Variants in PPP1R12A observed in about 807,000 individuals in gnomAD.
The protein encoded by PPP1R12A is protein phosphatase 1 regulatory subunit 12A.
Under a neutral mutation model 139.6 loss-of-function variants are expected in PPP1R12A, and 19 were observed. The ratio of observed to expected loss-of-function variants is 0.14; its 90% CI spans 0.09 to 0.20. PPP1R12A has a LOEUF of 0.20. PPP1R12A is among the 10% of genes least tolerant of loss of function. The pLI, the probability that PPP1R12A is intolerant of heterozygous loss-of-function variation, is 1.00. For synonymous variants in PPP1R12A, 427 were observed against 420.6 expected, an observed-to-expected ratio of 1.02 and a Z score of -0.19; for missense variants, 925 against 1,211.5, an observed-to-expected ratio of 0.76 and a Z score of 3.51.
intron 14 of PPP1R12A, among the ~76,000 whole-genome samples, chr12:79,802,936 T>C (rs1873372222): frequency 6.6e-6 from 1 of 152,234 alleles, no homozygotes; most frequent in Non-Finnish European, 1.5e-5. Context: ...CATTGACACT[T>C]GGCTCTTTTT....
chr12:79,912,642 C>T (rs775493739), intron 1 of PPP1R12A, among the ~76,000 whole-genome samples: 13 of 150,896 alleles, frequency 8.6e-5, no homozygotes, highest in African/African-American at 2.0e-4. Flanking sequence ...TGCAGTGAGC[C>T]GTGATTGTGC....
chr12:79,836,186 T>C (rs1043216551), intron 3 of PPP1R12A, among the ~76,000 whole-genome samples: 2 of 152,192 alleles, frequency 1.3e-5, no homozygotes, highest in African/African-American at 4.8e-5. Flanking sequence ...AAAAATCAAA[T>C]GCCACCATTT....
rs77353568 is a variant in PPP1R12A at position 79,822,561 on chromosome 12, T to G, written c.793-371A>C. On this transcript the variant is annotated intron_variant, in intron 5 of 24. Transcript: ENST00000450142. ...TAAGAAGTAGGAACATACCCTTTAG[T>G]AGTCACTGTCTGCATCCAGCCCAAG... Among the ~76,000 whole-genome samples the G allele has an allele frequency of 8.5e-3, 1,298 of 152,232 alleles. 18 individuals carry two copies. Among genetic ancestry groups the G allele is most frequent in the African/African-American group, 0.029 (1,198 of 41,552 alleles).
chr12:79,775,885 G>T lies in PPP1R12A; in HGVS notation c.*44C>A, dbSNP rs527656852. ...GTGACTGCCAATTATGGTCCACTGG[G>T]TTACTAATATGTGCAATTCCATTAC... On this transcript the variant is annotated 3_prime_UTR_variant, in exon 25 of 25. Coordinates refer to ENST00000450142, the MANE Select transcript of PPP1R12A (RefSeq NM_002480.3). 17 of 1,380,900 alleles carry T rather than the reference G, an allele frequency of 1.2e-5. No homozygotes were observed. The highest frequency in any genetic ancestry group is 1.7e-5 in the Non-Finnish European group (17 of 1,012,438). The allele number at this position is 1,380,900 out of a possible 1,614,324, so 85.5% of individuals were successfully genotyped here.
At chr12:79,800,654 A>C (rs1056951606) in intron 14 of PPP1R12A, among the ~76,000 whole-genome samples, 1 of 151,436 alleles carries the variant, frequency 6.6e-6, no homozygotes, top group Admixed American at 6.6e-5. Flanking sequence ...TGCTGTTTAA[A>C]TTTATTAAGT....
chr12:79,809,470 T>C (rs1372210427), intron 10 of PPP1R12A, among the ~76,000 whole-genome samples: 1 of 152,128 alleles, frequency 6.6e-6, no homozygotes, highest in Non-Finnish European at 1.5e-5. Flanking sequence ...TGTGTTCCTA[T>C]GTTTTTTAAA....
chr12:79,899,813 A>G (rs146472951), intron 1 of PPP1R12A, among the ~76,000 whole-genome samples: 36 of 152,310 alleles, frequency 2.4e-4, no homozygotes, highest in African/African-American at 8.7e-4. Context: ...CAATTGTACC[A>G]ATTTACATCA....
At chr12:79,796,688 G>T in intron 17 of PPP1R12A, 94 bp downstream of exon 17, 1 of 996,600 alleles carries the variant, frequency 1.0e-6, no homozygotes, top group Non-Finnish European at 1.4e-6. Flanking sequence ...AAGTTAGGAT[G>T]CTGTTCCTTT....
At chr12:79,807,380 T>A (rs1305040998) in intron 11 of PPP1R12A, 50 bp from the exon 12 acceptor site, 1 of 1,195,498 alleles carries the variant, frequency 8.4e-7, no homozygotes, top group East Asian at 2.6e-5. Flanking sequence ...TAAAATAGGA[T>A]TAAGAAAGCG....
In PPP1R12A at chr12:79,935,008, G is replaced by A; in HGVS notation, c.-77C>T. 1 of 1,487,214 alleles carries A rather than the reference G, an allele frequency of 6.7e-7. No homozygotes were observed. The highest frequency in any genetic ancestry group is 9.0e-7 in the Non-Finnish European group (1 of 1,116,866). The allele number at this position is 1,487,214 out of a possible 1,614,324, so 92.1% of individuals were successfully genotyped here. ...GGAGAGGGAAGAGAGGGGAGGCAGG[G>A]GGTGTGTGAATGTTTCTATGAGTGC... On this transcript the variant is annotated 5_prime_UTR_variant, in exon 1 of 25. Transcript: ENST00000450142.
At chr12:79,884,512 T>C (rs1340524930) in intron 1 of PPP1R12A, among the ~76,000 whole-genome samples, 1 of 152,190 alleles carries the variant, frequency 6.6e-6, no homozygotes, top group Non-Finnish European at 1.5e-5. Context: ...TCAACATTTA[T>C]AAAGTACATA....
intron 2 of PPP1R12A, among the ~76,000 whole-genome samples, chr12:79,858,574 C>T (rs951449842): frequency 6.6e-6 from 1 of 152,202 alleles, no homozygotes; most frequent in South Asian, 2.1e-4. Context: ...AGTTGCCTAA[C>T]TCCTGAGCCT....
At chr12:79,875,183 G>A (rs949410444) in intron 1 of PPP1R12A, among the ~76,000 whole-genome samples, 2 of 152,108 alleles carry the variant, frequency 1.3e-5, no homozygotes, top group Non-Finnish European at 2.9e-5. Flanking sequence ...TGTCCTATGA[G>A]ATAGGTTGTA....
intron 1 of PPP1R12A, among the ~76,000 whole-genome samples, chr12:79,898,259 G>A (rs543128551): frequency 1.3e-5 from 2 of 152,100 alleles, no homozygotes; most frequent in Non-Finnish European, 2.9e-5. Flanking sequence ...AGACCAGCCT[G>A]GGCAACATGG....
chr12:79,854,484 C>A (rs942396904), intron 2 of PPP1R12A, among the ~76,000 whole-genome samples: 2 of 152,016 alleles, frequency 1.3e-5, no homozygotes, highest in African/African-American at 4.8e-5. Flanking sequence ...CTCTTTAGAT[C>A]CCTTAATAAG....
intron 1 of PPP1R12A, among the ~76,000 whole-genome samples, chr12:79,885,556 A>C (rs1416320856): frequency 6.6e-6 from 1 of 152,178 alleles, no homozygotes; most frequent in African/African-American, 2.4e-5. Flanking sequence ...AGGATGGTTA[A>C]GTTTTAAAAG....
In PPP1R12A at chr12:79,782,601, C is replaced by T. The variant is rs1013268530; in HGVS notation, c.2908-739G>A. Reference sequence around the variant, plus strand: ...GTATCCTGTACTGGAGAGCTCTGGACATTAAGCACAGGCACAGTTTAAGAA... The same window carrying T: ...GTATCCTGTACTGGAGAGCTCTGGATATTAAGCACAGGCACAGTTTAAGAA... On this transcript the variant is annotated intron_variant, in intron 22 of 24. Transcript: ENST00000450142. The T allele has an allele frequency of 2.2e-5, 10 of 452,806 alleles. No individual in the cohort carries two copies. The Admixed American group carries it at 2.4e-4, about 11-fold the overall frequency. The allele number at this position is 452,806 out of a possible 1,614,324, so 28.0% of individuals were successfully genotyped here.
intron 8 of PPP1R12A, 64 bp from the exon 9 acceptor site, chr12:79,817,582 A>AC: frequency 7.0e-7 from 1 of 1,420,098 alleles, no homozygotes; most frequent in Non-Finnish European, 9.5e-7. Context: ...GGCTGGGAAA[A>AC]AATCATTTTA....
intron 3 of PPP1R12A, among the ~76,000 whole-genome samples, chr12:79,844,936 T>G (rs2137209873): frequency 6.6e-6 from 1 of 152,292 alleles, no homozygotes; most frequent in Non-Finnish European, 1.5e-5. Flanking sequence ...TGTATTCACA[T>G]CTCAGCTTAA....
Sources: allele counts gnomAD v4.1 joint callset (sites outside exome capture counted in the v4.1 genomes callset), GRCh38; gene constraint gnomAD v4.1.1; transcripts MANE v1.5; gene names NCBI Gene and HGNC (gene_info 2026-07-23, HGNC 2026-07-21).